Variants in ZSWIM5 observed in about 807,000 individuals in gnomAD.
The protein encoded by ZSWIM5 is zinc finger SWIM-type containing 5, also known as zinc finger SWIM domain-containing protein 5.
A neutral mutation model predicts 119.6 loss-of-function variants in ZSWIM5; 55 were observed. The ratio of observed to expected loss-of-function variants is 0.46; its 90% CI spans 0.37 to 0.58. The LOEUF (loss-of-function observed/expected upper bound fraction) is 0.58. ZSWIM5 is among the 20% of genes least tolerant of loss of function. The pLI is 0.00. For synonymous variants in ZSWIM5, 537 were observed against 606.9 expected (o/e 0.88, Z 1.69); for missense variants, 1,193 against 1,512.8 (o/e 0.79, Z 3.51).
Position 45,190,927 on chromosome 1 carries a change from ATTTTTTTTTTTTTTTTTTT to A in ZSWIM5, c.595+14810_595+14828del, listed in dbSNP as rs746764436. Among the ~76,000 whole-genome samples, 44 of 49,008 alleles carry A rather than the reference ATTTTTTTTTTTTTTTTTTT, an allele frequency of 9.0e-4. No homozygotes were observed. In the East Asian group the frequency reaches 0.021, roughly 24 times the overall value. 32.2% of individuals were successfully genotyped at this position (49,008 alleles called of 152,430 possible). ...TCCATGTTCGACTGAAATAGCTGGA[ATTTTTTTTTTTTTTTTTTT>A]TTTTTTTTTTTTTTTTTTGAGACGG... On this transcript the variant is annotated intron_variant, in intron 1 of 13. Transcript: ENST00000359600.
intron 4 of ZSWIM5, 140 bp from the exon 5 acceptor site, chr1:45,051,393 T>A: frequency 1.1e-6 from 1 of 872,338 alleles, no homozygotes; most frequent in East Asian, 2.9e-5. Context: ...TTGCTAAGAT[T>A]TTCAGAACTG....
Position 45,206,370 on chromosome 1 carries a change from G to T in ZSWIM5, c.-20C>A. On this transcript the variant is annotated 5_prime_UTR_variant, in exon 1 of 14. Coordinates refer to ENST00000359600, the MANE Select transcript of ZSWIM5 (RefSeq NM_020883.2). The stretch of plus-strand genomic sequence containing the variant: ...CGCCATTGCTGGGGACTGACTGACT[G>T]ACTGAGGCGGCGGCGGCTGCTCGGG... 1.5e-6 allele frequency: 2 copies of T among 1,369,784 alleles called. No individual in the cohort carries two copies. Among genetic ancestry groups the T allele is most frequent in the South Asian group, 3.4e-5 (2 of 59,356 alleles). The allele number at this position is 1,369,784 out of a possible 1,614,324, so 84.9% of individuals were successfully genotyped here.
intron 1 of ZSWIM5, among the ~76,000 whole-genome samples, chr1:45,164,063 C>A (rs1405824740): frequency 2.0e-5 from 3 of 152,102 alleles, no homozygotes; most frequent in Non-Finnish European, 4.4e-5. Context: ...TTGAGGGCAG[C>A]CAGAGAGAAA....
chr1:45,198,834 C>A (rs1646141359), intron 1 of ZSWIM5, among the ~76,000 whole-genome samples: 1 of 152,162 alleles, frequency 6.6e-6, no homozygotes, highest in South Asian at 2.1e-4. Context: ...TCATTGCTTA[C>A]AAAAGTTCTT....
Position 45,036,211 on chromosome 1 carries a change from G to A in ZSWIM5, c.1983C>T (p.Ala661=). 6.2e-7 allele frequency: 1 copy of A among 1,614,124 alleles called. No individual in the cohort carries two copies. Among genetic ancestry groups the A allele is most frequent in the Non-Finnish European group, 8.5e-7 (1 of 1,180,036 alleles). Residue 661 remains alanine (A), a synonymous_variant, in exon 9 of 14, where the codon GCC becomes GCT. Transcript: ENST00000359600. ...CCAGGCCCATCAGTGCAACTTCCAGGGCCAATGACAGGTAGGACTCACTGC... is the reference window on the plus strand; with the variant it reads ...CCAGGCCCATCAGTGCAACTTCCAGAGCCAATGACAGGTAGGACTCACTGC... ...PNSSESYLSL[A]LEVALMGLGQ... is the part of the protein sequence containing the mutation.
intron 1 of ZSWIM5, among the ~76,000 whole-genome samples, chr1:45,164,534 TAA>T (rs1224576306): frequency 3.9e-5 from 6 of 152,124 alleles, no homozygotes; most frequent in Middle Eastern, 3.4e-3. Context: ...GCAAATTGGA[TAA>T]AGAGTCAAGA....
At chr1:45,190,073 G>A (rs1245697081) in intron 1 of ZSWIM5, among the ~76,000 whole-genome samples, 1 of 152,136 alleles carries the variant, frequency 6.6e-6, no homozygotes, top group Non-Finnish European at 1.5e-5. Flanking sequence ...CAGCACTATG[G>A]GAGGCTGAAG....
intron 1 of ZSWIM5, among the ~76,000 whole-genome samples, chr1:45,157,412 T>C (rs908487747): frequency 6.6e-6 from 1 of 152,158 alleles, no homozygotes; most frequent in African/African-American, 2.4e-5. Flanking sequence ...TGGGCTCAAG[T>C]GATCCTCCCA....
At chr1:45,065,428 A>C (rs981022892) in intron 2 of ZSWIM5, among the ~76,000 whole-genome samples, 2 of 152,212 alleles carry the variant, frequency 1.3e-5, no homozygotes, top group Admixed American at 6.5e-5. Context: ...TAAGGGTTTG[A>C]AGGGGTATGG....
At chr1:45,150,757 C>T (rs1453994145) in intron 1 of ZSWIM5, among the ~76,000 whole-genome samples, 2 of 152,070 alleles carry the variant, frequency 1.3e-5, no homozygotes, top group East Asian at 3.8e-4. Context: ...TTGAGAGCAG[C>T]GAGAAAATGA....
chr1:45,173,823 A>G (rs1645959971), intron 1 of ZSWIM5, among the ~76,000 whole-genome samples: 1 of 152,212 alleles, frequency 6.6e-6, no homozygotes, highest in South Asian at 2.1e-4. Context: ...TTAAGTGGCA[A>G]TATTTACACA....
chr1:45,175,520 G>C (rs911077558), intron 1 of ZSWIM5, among the ~76,000 whole-genome samples: 2 of 152,004 alleles, frequency 1.3e-5, no homozygotes, highest in African/African-American at 4.8e-5. Flanking sequence ...AGCAATCCCA[G>C]CTCACTGCAG....
At chr1:45,085,762 T>C (rs1042098829) in intron 2 of ZSWIM5, among the ~76,000 whole-genome samples, 2 of 152,146 alleles carry the variant, frequency 1.3e-5, no homozygotes, top group African/African-American at 4.8e-5. Context: ...CTGGACTTCA[T>C]TGTCAATATC....
At chr1:45,170,893 CT>C (rs1645942425) in intron 1 of ZSWIM5, among the ~76,000 whole-genome samples, 1 of 152,018 alleles carries the variant, frequency 6.6e-6, no homozygotes, top group South Asian at 2.1e-4. Flanking sequence ...GCTGAAATGA[CT>C]TTTTATTAAA....
At chr1:45,113,253 T>G (rs1645528685) in intron 1 of ZSWIM5, among the ~76,000 whole-genome samples, 1 of 152,112 alleles carries the variant, frequency 6.6e-6, no homozygotes, top group East Asian at 1.9e-4. Context: ...TGGCTGAAGG[T>G]TAGATTATAA....
chr1:45,196,034 G>GTTTTTTGTTTT (rs1646120276), intron 1 of ZSWIM5, among the ~76,000 whole-genome samples: 1 of 103,910 alleles, frequency 9.6e-6, no homozygotes, highest in Non-Finnish European at 2.0e-5. Flanking sequence ...CACCCAGCTA[G>GTTTTTTGTTTT]TTTTTTTTTT....
intron 1 of ZSWIM5, among the ~76,000 whole-genome samples, chr1:45,143,008 CAAA>C (rs754052253): frequency 1.7e-5 from 2 of 114,318 alleles, no homozygotes; most frequent in African/African-American, 3.2e-5. Context: ...CTGTCTCTAC[CAAA>C]AAAAAAAAAA....
chr1:45,019,239 C>A lies in ZSWIM5; in HGVS notation c.2773G>T (p.Ala925Ser), dbSNP rs983891643. The A allele has an allele frequency of 9.3e-6, 15 of 1,613,580 alleles. No homozygotes were observed. Among genetic ancestry groups the A allele is most frequent in the Non-Finnish European group, 1.2e-5 (14 of 1,180,018 alleles). The stretch of plus-strand genomic sequence containing the variant: ...ATAGTGGTGTGGGATACGGCTGTGG[C>A]AGCTACAATACTAGTAGCCTCAGTA... ...TPTEATSIVA[A>S]TAVSHTTILR... is the part of the protein sequence containing the mutation. The change falls in exon 14 of 14, where the codon GCC (alanine) becomes TCC (serine). Residue 925 changes from alanine (A) to serine (S), a missense_variant. Ala to Ser is a moderately conservative substitution (Grantham distance 99). Coordinates refer to ENST00000359600, the MANE Select transcript of ZSWIM5 (RefSeq NM_020883.2). This position sits in a 1 kb window ranked among gnomAD's most constrained non-coding sequence, Gnocchi z 5.0.
intron 5 of ZSWIM5, among the ~76,000 whole-genome samples, chr1:45,047,349 A>G (rs762487773): frequency 9.9e-5 from 15 of 152,174 alleles, no homozygotes; most frequent in Non-Finnish European, 1.8e-4. Context: ...AATGGTAGGG[A>G]TTGAAAGCCT....
Sources: gnomAD v4.1 joint callset for allele counts (sites outside exome capture counted in the v4.1 genomes callset) on GRCh38, gnomAD v4.1.1 for gene constraint, Gnocchi (gnomAD v3.1) non-coding constraint, MANE v1.5 for transcripts, NCBI Gene and HGNC (gene_info 2026-07-23, HGNC 2026-07-21) for gene names.